ZNF385B: variants seen among roughly 807,000 people sequenced by gnomAD.
ZNF385B encodes zinc finger protein 385B.
Under a neutral mutation model 39.2 loss-of-function variants are expected in ZNF385B, and 23 were observed. The ratio of observed to expected loss-of-function variants is 0.59; its 90% CI spans 0.42 to 0.83. The LOEUF is 0.83. Among genes scored for constraint, ZNF385B ranks in the 40% least tolerant of loss-of-function variants. The pLI is 0.00. For missense variants in ZNF385B, 552 were observed against 598.9 expected, an observed-to-expected ratio of 0.92 and a Z score of 0.82; for synonymous variants, 205 against 222.6, an observed-to-expected ratio of 0.92 and a Z score of 0.70.
In ZNF385B at chr2:179,853,216, C is replaced by T. The variant is rs75320600; in HGVS notation, c.-155+7885G>A. Among the ~76,000 whole-genome samples the T allele has an allele frequency of 8.2e-3, 1,246 of 152,242 alleles. 16 individuals are homozygous for T. The highest frequency in any genetic ancestry group is 0.028 in the African/African-American group (1,166 of 41,540). ...TGACTATCCAACTATTAATACAATT[C>T]TAGTGCCTGAAAAAAAGACTGTCCT... On this transcript the variant is annotated intron_variant, in intron 1 of 9. Transcript: ENST00000410066.
At chr2:179,542,328 C>T (rs533139741) in intron 4 of ZNF385B, among the ~76,000 whole-genome samples, 1 of 152,204 alleles carries the variant, frequency 6.6e-6, no homozygotes, top group Admixed American at 6.5e-5. Context: ...TAGAAGGGCT[C>T]CTGTTTGATA....
At chr2:179,779,431 C>T (rs1202931506) in intron 1 of ZNF385B, among the ~76,000 whole-genome samples, 1 of 152,088 alleles carries the variant, frequency 6.6e-6, no homozygotes, top group Non-Finnish European at 1.5e-5. Context: ...CCTTTGCAGG[C>T]AATGTGAGCT....
chr2:179,516,090 G>A (rs1315938627), intron 5 of ZNF385B, among the ~76,000 whole-genome samples: 1 of 134,068 alleles, frequency 7.5e-6, no homozygotes, highest in Non-Finnish European at 1.6e-5. Context: ...ATTGTAGCAT[G>A]TATCAGTACT....
intron 4 of ZNF385B, among the ~76,000 whole-genome samples, chr2:179,528,602 T>C (rs943114049): frequency 1.3e-5 from 2 of 152,240 alleles, no homozygotes; most frequent in African/African-American, 4.8e-5. Context: ...AATGAACTGG[T>C]GATTTCACCA....
intron 1 of ZNF385B, among the ~76,000 whole-genome samples, chr2:179,827,894 CACTAT>C (rs1199767280): frequency 1.3e-5 from 2 of 152,116 alleles, no homozygotes; most frequent in Non-Finnish European, 2.9e-5. Context: ...CAAGGGTAAC[CACTAT>C]CCTGACTTTT....
chr2:179,806,000 T>C (rs1387550648), intron 1 of ZNF385B, among the ~76,000 whole-genome samples: 1 of 152,216 alleles, frequency 6.6e-6, no homozygotes, highest in Non-Finnish European at 1.5e-5. Context: ...CTTTAATAGC[T>C]TGGCTTACAG....
intron 3 of ZNF385B, among the ~76,000 whole-genome samples, chr2:179,602,142 CA>C (rs1194856913): frequency 6.6e-6 from 1 of 152,138 alleles, no homozygotes; most frequent in African/African-American, 2.4e-5. Context: ...ATGCAATACT[CA>C]GAACTGTCCA....
intron 1 of ZNF385B, among the ~76,000 whole-genome samples, chr2:179,796,517 T>C (rs563879957): frequency 6.6e-6 from 1 of 152,224 alleles, no homozygotes; most frequent in South Asian, 2.1e-4. Flanking sequence ...TTTGGAACAA[T>C]TGATCAAGAA....
chr2:179,546,797 T>G (rs1295319029), intron 3 of ZNF385B, among the ~76,000 whole-genome samples: 1 of 150,008 alleles, frequency 6.7e-6, no homozygotes, highest in Non-Finnish European at 1.5e-5. Context: ...TTTTGAGGAA[T>G]AACCAAACTG....
chr2:179,677,591 C>T (rs1360690716), intron 3 of ZNF385B, among the ~76,000 whole-genome samples: 1 of 152,050 alleles, frequency 6.6e-6, no homozygotes, highest in Admixed American at 6.6e-5. Flanking sequence ...ATCAGAAAGG[C>T]AAATAAACAT....
At chr2:179,810,528 T>C (rs1706667525) in intron 1 of ZNF385B, among the ~76,000 whole-genome samples, 1 of 151,932 alleles carries the variant, frequency 6.6e-6, no homozygotes, top group African/African-American at 2.4e-5. Flanking sequence ...TGCCTTATAA[T>C]TTAAAGTTTT....
chr2:179,774,472 T>C (rs1186367337), intron 1 of ZNF385B, among the ~76,000 whole-genome samples: 1 of 152,064 alleles, frequency 6.6e-6, no homozygotes, highest in Non-Finnish European at 1.5e-5. Context: ...GCAATTCTCC[T>C]TCCTCAGCCT....
chr2:179,698,575 A>G (rs1698941734), intron 3 of ZNF385B, among the ~76,000 whole-genome samples: 1 of 152,222 alleles, frequency 6.6e-6, no homozygotes, highest in South Asian at 2.1e-4. Flanking sequence ...TATATTACCT[A>G]GAAATGAATG....
At chr2:179,549,986 A>C (rs2060469363) in intron 3 of ZNF385B, among the ~76,000 whole-genome samples, 1 of 149,414 alleles carries the variant, frequency 6.7e-6, no homozygotes, top group Non-Finnish European at 1.5e-5. Flanking sequence ...GGTAATGTTA[A>C]CTTCAGTGCT....
At position 179,823,700 on chromosome 2, in the gene ZNF385B, T is replaced by C. The variant is rs145607414; in HGVS notation, c.-155+37401A>G. Reference sequence around the variant, plus strand: ...GCCAAGAATAATTTTGACAGAGGCATTCTTAGACAACTTTTCTTATATTTT... The same window carrying C: ...GCCAAGAATAATTTTGACAGAGGCACTCTTAGACAACTTTTCTTATATTTT... On this transcript the variant is annotated intron_variant, in intron 1 of 9. Transcript: ENST00000410066. 2.6e-4 allele frequency among the ~76,000 whole-genome samples: 40 copies of C among 152,240 alleles called. No individual in the cohort carries two copies. In the East Asian group the frequency reaches 7.1e-3, roughly 27 times the overall value.
At chr2:179,575,279 AAGAG>A (rs370272052) in intron 3 of ZNF385B, among the ~76,000 whole-genome samples, 89 of 152,318 alleles carry the variant, frequency 5.8e-4, no homozygotes, top group African/African-American at 2.1e-3. Context: ...GTAGAAGAAG[AAGAG>A]AGTCAGTGCC....
At chr2:179,722,836 C>T (rs1022221028) in intron 3 of ZNF385B, among the ~76,000 whole-genome samples, 1 of 152,064 alleles carries the variant, frequency 6.6e-6, no homozygotes, top group Admixed American at 6.6e-5. Flanking sequence ...AGAATTAGCT[C>T]TACTATATGA....
Position 179,760,182 on chromosome 2 carries a change from G to C in ZNF385B, c.298+9321C>G, listed in dbSNP as rs144934888. Among the ~76,000 whole-genome samples the C allele has an allele frequency of 2.3e-4, 35 of 151,090 alleles. No homozygotes were observed. The East Asian group carries it at 3.7e-3, about 16-fold the overall frequency. On this transcript the variant is annotated intron_variant, in intron 3 of 9. Transcript: ENST00000410066. ...TATTGACATTGATCTGATGTACAAA[G>C]CTTATTCAGATTTCTCCAGTATTAC...
chr2:179,801,660 T>C (rs1306315901), intron 1 of ZNF385B, among the ~76,000 whole-genome samples: 2 of 152,140 alleles, frequency 1.3e-5, no homozygotes, highest in Non-Finnish European at 2.9e-5. Context: ...CCCTGCCATA[T>C]AAAAATTTGT....
Sources: allele counts gnomAD v4.1 joint callset (sites outside exome capture counted in the v4.1 genomes callset), GRCh38; gene constraint gnomAD v4.1.1; transcripts MANE v1.5; gene names NCBI Gene and HGNC (gene_info 2026-07-23, HGNC 2026-07-21).